Variants in DNAH9 observed in about 807,000 individuals in gnomAD.
DNAH9 encodes dynein axonemal heavy chain 9.
DNAH9 carries 345 observed loss-of-function variants against 471.6 expected under a neutral mutation model. That is an observed-to-expected ratio of 0.73 (90% CI 0.67 to 0.80). The LOEUF is 0.80. Ranked by LOEUF, DNAH9 falls within the 30% of genes least tolerant of loss-of-function variation. The pLI, the probability that DNAH9 is intolerant of heterozygous loss-of-function variation, is 0.00. For synonymous variants in DNAH9, 2,093 were observed against 2,123.6 expected, an observed-to-expected ratio of 0.99 and a Z score of 0.40; for missense variants, 5,407 against 5,609.2, an observed-to-expected ratio of 0.96 and a Z score of 1.15.
chr17:11,683,920 T>C (rs1371867644), intron 19 of DNAH9, among the ~76,000 whole-genome samples: 3 of 152,360 alleles, frequency 2.0e-5, no homozygotes, highest in Non-Finnish European at 4.4e-5. Flanking sequence ...CTAAAGCGAA[T>C]CTTAGTGGAT....
At chr17:11,722,344 C>G (rs1236072908) in intron 27 of DNAH9, among the ~76,000 whole-genome samples, 2 of 152,092 alleles carry the variant, frequency 1.3e-5, no homozygotes, top group Non-Finnish European at 2.9e-5. Context: ...GGCTTCGGAA[C>G]TGGAGCAAAA....
intron 29 of DNAH9, among the ~76,000 whole-genome samples, chr17:11,741,435 C>T (rs572655926): frequency 2.6e-4 from 39 of 152,064 alleles, no homozygotes; most frequent in African/African-American, 8.9e-4. Flanking sequence ...TGGCACAAAC[C>T]GCAATTATTT....
At chr17:11,600,906 T>C (rs1004133838) in intron 1 of DNAH9, among the ~76,000 whole-genome samples, 2 of 152,166 alleles carry the variant, frequency 1.3e-5, no homozygotes, top group African/African-American at 4.8e-5. Flanking sequence ...GTGCAACACA[T>C]CCTCAGAACT....
rs1970341438 is a variant in DNAH9 at position 11,822,464 on chromosome 17, A to G, written c.8877A>G (p.Gly2959=). 6.2e-7 allele frequency: 1 copy of G among 1,614,142 alleles called. No individual in the cohort carries two copies. Among genetic ancestry groups the G allele is most frequent in the Non-Finnish European group, 8.5e-7 (1 of 1,180,012 alleles). The part of the protein sequence containing the change: ...LKVTLCFSPV[G]NKLRVRSRKF... ...TGACTCTCTGTTTCTCCCCTGTGGG[A>G]AACAAGCTAAGAGTCCGCAGCAGGA... The change falls in exon 47 of 69, where the codon GGA becomes GGG. Residue 2959 remains glycine (G), a synonymous_variant. Coordinates refer to ENST00000262442, the MANE Select transcript of DNAH9 (RefSeq NM_001372.4).
intron 22 of DNAH9, among the ~76,000 whole-genome samples, chr17:11,698,031 G>A (rs1004141346): frequency 3.2e-4 from 47 of 145,568 alleles, no homozygotes; most frequent in African/African-American, 1.2e-3. Context: ...ATATAATTAT[G>A]TATAAAGGTT....
At position 11,960,435 on chromosome 17, in the gene DNAH9, T is replaced by TAAAAAAAAAA. The variant is rs3074845; in HGVS notation, c.12844-1414_12844-1405dup. 8.5e-4 allele frequency among the ~76,000 whole-genome samples: 46 copies of TAAAAAAAAAA among 54,040 alleles called. 1 individual carries two copies. The highest frequency in any genetic ancestry group is 3.1e-3 in the East Asian group (5 of 1,608). The allele number at this position is 54,040 out of a possible 152,430, so 35.5% of individuals were successfully genotyped here. A position where few individuals can be genotyped will look rare whatever the true frequency, so the allele number is the denominator to read the frequency against. Reference sequence around the variant, plus strand: ...TGGGTGACAGAGCAAGACTCTGTCTTAAAAAAAAAAAAAAAAAAAAAAAAA... The same window carrying TAAAAAAAAAA: ...TGGGTGACAGAGCAAGACTCTGTCTTAAAAAAAAAAAAAAAAAAAAAAAAAAAAAAAAAAA... On this transcript the variant is annotated intron_variant, in intron 67 of 68. Transcript: ENST00000262442.
intron 37 of DNAH9, 117 bp downstream of exon 37, chr17:11,768,743 TC>T (rs1968075340): frequency 7.9e-7 from 1 of 1,266,222 alleles, no homozygotes; most frequent in Non-Finnish European, 1.1e-6. Flanking sequence ...GAACTAGTCA[TC>T]CCCAGCTCCA....
chr17:11,653,012 C>A lies in DNAH9; in HGVS notation c.2595+10C>A. 6.2e-7 allele frequency: 1 copy of A among 1,612,720 alleles called. No individual in the cohort carries two copies. On this transcript the variant is annotated intron_variant, in intron 14 of 68. Transcript: ENST00000262442. ...CCACGCCCTTGTTCAGGTAATAACC[C>A]AGCCACTCAGGCGCACATACTACGA...
chr17:11,610,050 C>T (rs2150639028), intron 2 of DNAH9, among the ~76,000 whole-genome samples: 1 of 152,322 alleles, frequency 6.6e-6, no homozygotes, highest in South Asian at 2.1e-4. Flanking sequence ...ATTGGGTGGT[C>T]ATCTGAATAT....
chr17:11,786,125 C>T (rs1176104091), intron 41 of DNAH9, among the ~76,000 whole-genome samples: 3 of 151,830 alleles, frequency 2.0e-5, no homozygotes, highest in Non-Finnish European at 4.4e-5. Flanking sequence ...CAAATCTACA[C>T]TGCTCCTAAG....
chr17:11,877,473 TAAAAAA>T lies in DNAH9; in HGVS notation c.10478+2314_10478+2319del, dbSNP rs550300868. Among the ~76,000 whole-genome samples, 97 of 68,618 alleles carry T rather than the reference TAAAAAA, an allele frequency of 1.4e-3. 1 individual carries two copies. The South Asian group carries it at 0.018, about 13-fold the overall frequency. 45.0% of individuals were successfully genotyped at this position (68,618 alleles called of 152,430 possible). A position where few individuals can be genotyped will look rare whatever the true frequency, so the allele number is the denominator to read the frequency against. On this transcript the variant is annotated intron_variant, in intron 53 of 68. Coordinates refer to ENST00000262442, the MANE Select transcript of DNAH9 (RefSeq NM_001372.4). ...GGGGGACAAGAACGAAAACTCTGTC[TAAAAAA>T]AAAAAAAAAAAAAAAAAAAAAAAAG... is the stretch of plus-strand genomic sequence containing the variant.
At chr17:11,866,880 A>G (rs546399902) in intron 50 of DNAH9, among the ~76,000 whole-genome samples, 3 of 152,380 alleles carry the variant, frequency 2.0e-5, no homozygotes, top group African/African-American at 7.2e-5. Flanking sequence ...GGAAAAGGGC[A>G]GTATTCGGGT....
intron 44 of DNAH9, among the ~76,000 whole-genome samples, chr17:11,808,605 C>T (rs1969776895): frequency 6.6e-6 from 1 of 152,144 alleles, no homozygotes; most frequent in African/African-American, 2.4e-5. Context: ...AGCCTCTCGA[C>T]GACTGGCTGA....
Position 11,598,853 on chromosome 17 carries a change from G to A in DNAH9, c.355G>A (p.Ala119Thr). Reference sequence around the variant, plus strand: ...TCCAGGGCCCGACAGCTTCCGCGGCGCAGTGGTCTGCGGGGACCTGCCCGC... The same window carrying A: ...TCCAGGGCCCGACAGCTTCCGCGGCACAGTGGTCTGCGGGGACCTGCCCGC... Reference protein sequence around the residue: ...EPPGPDSFRGAVVCGDLPAAP... With the variant: ...EPPGPDSFRGTVVCGDLPAAP... Residue 119 changes from alanine to threonine, a missense_variant, in exon 1 of 69, where the codon GCA becomes ACA. Ala to Thr is a moderately conservative substitution (Grantham distance 58). Around this residue, in one of 3 missense-constraint regions of DNAH9, gnomAD observed 767 missense variants for 692.5 expected, o/e 1.11. Coordinates refer to ENST00000262442, the MANE Select transcript of DNAH9 (RefSeq NM_001372.4). 6.5e-7 allele frequency: 1 copy of A among 1,532,456 alleles called. No homozygotes were observed. The highest frequency in any genetic ancestry group is 8.7e-7 in the Non-Finnish European group (1 of 1,145,326). 94.9% of individuals were successfully genotyped at this position (1,532,456 alleles called of 1,614,324 possible). A position where few individuals can be genotyped will look rare whatever the true frequency, so the allele number is the denominator to read the frequency against.
intron 41 of DNAH9, among the ~76,000 whole-genome samples, chr17:11,791,540 G>A (rs773637637): frequency 3.3e-5 from 5 of 151,926 alleles, no homozygotes; most frequent in Non-Finnish European, 5.9e-5. Flanking sequence ...GCGAAACCTG[G>A]TCTCTACTGA....
chr17:11,945,625 T>C (rs1479963019), intron 67 of DNAH9, among the ~76,000 whole-genome samples: 1 of 150,326 alleles, frequency 6.7e-6, no homozygotes, highest in Non-Finnish European at 1.5e-5. Flanking sequence ...GAATAACCAA[T>C]ATTGGAGGTG....
At chr17:11,615,642 T>C (rs2072726440) in intron 4 of DNAH9, among the ~76,000 whole-genome samples, 1 of 152,126 alleles carries the variant, frequency 6.6e-6, no homozygotes, top group Non-Finnish European at 1.5e-5. Context: ...TCTCTTCATA[T>C]GCCTTGTCAT....
chr17:11,762,062 A>C (rs1472739473), intron 35 of DNAH9, among the ~76,000 whole-genome samples: 7 of 152,150 alleles, frequency 4.6e-5, no homozygotes, highest in Admixed American at 3.9e-4. Context: ...ACATCAAACA[A>C]ATGAGGGAAC....
intron 19 of DNAH9, among the ~76,000 whole-genome samples, chr17:11,687,198 T>C (rs115469864): frequency 0.011 from 1,643 of 152,284 alleles, 34 homozygotes; most frequent in African/African-American, 0.038. Context: ...AGCTAAATAA[T>C]AGAGAAGGCA....
Sources: allele counts gnomAD v4.1 joint callset (sites outside exome capture counted in the v4.1 genomes callset), GRCh38; gene constraint gnomAD v4.1.1; regional missense constraint gnomAD v4.1.1; transcripts MANE v1.5; gene names NCBI Gene and HGNC (gene_info 2026-07-23, HGNC 2026-07-21).